CTNNA2: variants seen among roughly 807,000 people sequenced by gnomAD.
CTNNA2 encodes catenin alpha-2.
A neutral mutation model predicts 101.0 loss-of-function variants in CTNNA2; 42 were observed. That is an observed-to-expected ratio of 0.42 (90% CI 0.32 to 0.54). The LOEUF is 0.54. Ranked by LOEUF, CTNNA2 falls within the 20% of genes least tolerant of loss-of-function variation. The pLI, the probability that CTNNA2 is intolerant of heterozygous loss-of-function variation, is 0.14. For synonymous variants in CTNNA2, 450 were observed against 456.4 expected, an observed-to-expected ratio of 0.99 and a Z score of 0.18; for missense variants, 871 against 1,223.1, an observed-to-expected ratio of 0.71 and a Z score of 4.29.
chr2:80,640,134 G>C (rs1159743848), intron 18 of CTNNA2, among the ~76,000 whole-genome samples: 2 of 152,032 alleles, frequency 1.3e-5, no homozygotes, highest in Non-Finnish European at 2.9e-5. Context: ...GTCAGTATCA[G>C]ACAATATTTG....
In CTNNA2 at chr2:79,659,193, T is replaced by A. The variant is rs1285786888; in HGVS notation, c.102+7535T>A. Among the ~76,000 whole-genome samples, 3 of 148,858 alleles carry A rather than the reference T, an allele frequency of 2.0e-5. No homozygotes were observed. The Admixed American group carries it at 2.0e-4, about 10-fold the overall frequency. Reference sequence around the variant, plus strand: ...ATGAACACTTAGAAGCAAAGTAACTTCTGAGAGTTGATCCAGTGCCTCTTT... The same window carrying A: ...ATGAACACTTAGAAGCAAAGTAACTACTGAGAGTTGATCCAGTGCCTCTTT... On this transcript the variant is annotated intron_variant, in intron 2 of 18. Coordinates refer to ENST00000402739, the MANE Select transcript of CTNNA2 (RefSeq NM_001282597.3).
chr2:80,625,831 TTAAC>T (rs1331922597), intron 18 of CTNNA2, among the ~76,000 whole-genome samples: 5 of 152,214 alleles, frequency 3.3e-5, no homozygotes, highest in South Asian at 2.1e-4. Context: ...AATGCACTGT[TTAAC>T]TAGGATTTGG....
intron 13 of CTNNA2, 45 bp downstream of exon 13, chr2:80,574,359 A>G: frequency 1.3e-6 from 2 of 1,505,932 alleles, no homozygotes; most frequent in Non-Finnish European, 1.8e-6. Flanking sequence ...ATCTCCTAGT[A>G]GGAAACTAAA....
At chr2:80,334,013 G>A (rs1671571371) in intron 7 of CTNNA2, among the ~76,000 whole-genome samples, 1 of 152,160 alleles carries the variant, frequency 6.6e-6, no homozygotes, top group African/African-American at 2.4e-5. Flanking sequence ...GCACTCTCCA[G>A]GGTTATGCTT....
chr2:79,235,062 G>T (rs1674539189), intron 2 of CTNNA2, among the ~76,000 whole-genome samples: 1 of 152,076 alleles, frequency 6.6e-6, no homozygotes, highest in Non-Finnish European at 1.5e-5. Context: ...CATTTCTGAG[G>T]GGCTAGAGTG....
intron 4 of CTNNA2, among the ~76,000 whole-genome samples, chr2:79,437,401 T>A (rs1404692406): frequency 4.6e-5 from 7 of 152,182 alleles, no homozygotes; most frequent in African/African-American, 1.7e-4. Flanking sequence ...CCTGCATTCC[T>A]CACAGCTCCC....
At position 80,025,053 on chromosome 2, in the gene CTNNA2, C is replaced by A. The variant is rs150827942; in HGVS notation, c.1056+115256C>A. 4.5e-3 allele frequency among the ~76,000 whole-genome samples: 687 copies of A among 152,240 alleles called. 3 individuals carry two copies. Among genetic ancestry groups the A allele is most frequent in the African/African-American group, 0.016 (663 of 41,546 alleles). On this transcript the variant is annotated intron_variant, in intron 7 of 18. Transcript: ENST00000402739. ...GCCAAGCTCTTCTCTGAAGTCCTGC[C>A]ATCAAGCCGTTCCTCTGAAGTCAAG...
intron 2 of CTNNA2, among the ~76,000 whole-genome samples, chr2:79,232,714 G>C (rs972749857): frequency 6.6e-6 from 1 of 152,118 alleles, no homozygotes. Context: ...CTCAATTTCC[G>C]AACTTGTTAC....
At position 80,418,104 on chromosome 2, in the gene CTNNA2, G is replaced by A. The variant is rs1008606677; in HGVS notation, c.1138-1345G>A. ...CTCTAAATATCTTTTCCTCCATTGT[G>A]GGCCTGTTCTGGAAGAGAGCCACGG... On this transcript the variant is annotated intron_variant, in intron 8 of 18. Transcript: ENST00000402739. Among the ~76,000 whole-genome samples, 21 of 152,088 alleles carry A rather than the reference G, an allele frequency of 1.4e-4. 1 individual carries two copies. The East Asian group carries it at 4.1e-3, about 29-fold the overall frequency.
intron 1 of CTNNA2, among the ~76,000 whole-genome samples, chr2:79,552,829 G>T (rs1192757931): frequency 6.6e-6 from 1 of 152,196 alleles, no homozygotes; most frequent in Non-Finnish European, 1.5e-5. Flanking sequence ...GTAGAGCAGT[G>T]GGGCCCAGGG....
At chr2:80,215,659 T>C (rs1708216934) in intron 7 of CTNNA2, among the ~76,000 whole-genome samples, 1 of 152,176 alleles carries the variant, frequency 6.6e-6, no homozygotes. Flanking sequence ...GTATGAAGTG[T>C]CAGTCGGCCC....
At chr2:79,525,815 T>C (rs1672371580) in intron 1 of CTNNA2, among the ~76,000 whole-genome samples, 2 of 151,998 alleles carry the variant, frequency 1.3e-5, no homozygotes, top group African/African-American at 4.8e-5. Context: ...AACTGCCTTT[T>C]CTTAAAGAAT....
At chr2:80,372,564 T>G (rs980111975) in intron 7 of CTNNA2, among the ~76,000 whole-genome samples, 2 of 152,120 alleles carry the variant, frequency 1.3e-5, no homozygotes, top group Non-Finnish European at 2.9e-5. Flanking sequence ...GTAAAATGTT[T>G]ATCATATGAG....
chr2:80,098,513 A>T (rs1700324467), intron 7 of CTNNA2, among the ~76,000 whole-genome samples: 1 of 152,154 alleles, frequency 6.6e-6, no homozygotes, highest in African/African-American at 2.4e-5. Flanking sequence ...TGTTGGGAGA[A>T]CCACTACTCT....
At chr2:80,159,467 A>T (rs1704180538) in intron 7 of CTNNA2, among the ~76,000 whole-genome samples, 1 of 152,162 alleles carries the variant, frequency 6.6e-6, no homozygotes, top group African/African-American at 2.4e-5. Flanking sequence ...GTGATATCTC[A>T]GTGTGGTTTT....
At chr2:79,877,827 T>A (rs2916498) in intron 6 of CTNNA2, among the ~76,000 whole-genome samples, 101,942 of 152,062 alleles carry the variant, frequency 0.67, 34,538 homozygotes, top group Middle Eastern at 0.81. Flanking sequence ...CACAGCTAGT[T>A]TGCCCTAAAA....
At chr2:79,602,427 G>A (rs1677608553) in intron 1 of CTNNA2, among the ~76,000 whole-genome samples, 1 of 151,906 alleles carries the variant, frequency 6.6e-6, no homozygotes, top group African/African-American at 2.4e-5. Flanking sequence ...CAGTTATAAA[G>A]GCAAGGAATC....
At position 79,246,814 on chromosome 2, in the gene CTNNA2, C is replaced by A. The variant is rs1674706516; in HGVS notation, c.-406+48738C>A. Among the ~76,000 whole-genome samples, 4 of 152,218 alleles carry A rather than the reference C, an allele frequency of 2.6e-5. No homozygotes were observed. In the South Asian group the frequency reaches 8.3e-4, roughly 31 times the overall value. ...AAAGAGAAGGAAGTTTTTATGATTT[C>A]TTTGGCAACATACTTGCTAATTTCT... On this transcript the variant is annotated intron_variant, in intron 2 of 21. Coordinates refer to the CTNNA2 transcript ENST00000466387.
At chr2:79,858,248 C>G (rs1321961992) in intron 4 of CTNNA2, 69 bp downstream of exon 4, 2 of 1,252,700 alleles carry the variant, frequency 1.6e-6, no homozygotes, top group East Asian at 2.4e-5. Flanking sequence ...TATTACAGCT[C>G]TGGCCTCTAC....
Sources: allele counts gnomAD v4.1 joint callset (sites outside exome capture counted in the v4.1 genomes callset), GRCh38; gene constraint gnomAD v4.1.1; transcripts MANE v1.5; gene names NCBI Gene and HGNC (gene_info 2026-07-23, HGNC 2026-07-21).